Variants in MIPOL1 observed in about 807,000 individuals in gnomAD.
The protein encoded by MIPOL1 is mirror-image polydactyly 1.
A neutral mutation model predicts 60.9 loss-of-function variants in MIPOL1; 57 were observed. The ratio of observed to expected loss-of-function variants is 0.94; its 90% CI spans 0.76 to 1.17. The LOEUF (loss-of-function observed/expected upper bound fraction) is 1.17, where lower values mean the gene tolerates loss of function less well. MIPOL1 is among the 50% of genes most tolerant of loss of function. The probability of loss-of-function intolerance (pLI) is 0.00; values close to 1 mark genes in which losing one functional copy is unlikely to be tolerated. For synonymous variants in MIPOL1, 179 were observed against 168.8 expected (o/e 1.06, Z -0.47); for missense variants, 551 against 511.6 (o/e 1.08, Z -0.74).
At chr14:37,500,453 A>G (rs967169556) in intron 12 of MIPOL1, among the ~76,000 whole-genome samples, 8 of 152,246 alleles carry the variant, frequency 5.3e-5, no homozygotes, top group South Asian at 2.1e-4. Context: ...AGCAAGGGGA[A>G]GAGGCAGTCA....
intron 11 of MIPOL1, among the ~76,000 whole-genome samples, chr14:37,437,212 G>A (rs1031121985): frequency 2.0e-5 from 3 of 152,124 alleles, no homozygotes; most frequent in South Asian, 2.1e-4. Context: ...AAAACTTCCT[G>A]GTTCTGATTG....
chr14:37,317,562 C>G (rs775793003), intron 9 of MIPOL1, among the ~76,000 whole-genome samples: 11 of 151,940 alleles, frequency 7.2e-5, no homozygotes, highest in Non-Finnish European at 1.3e-4. Flanking sequence ...TGGACTCTCC[C>G]TTATGTAAAG....
At chr14:37,512,164 A>AACACAC (rs35664979) in intron 12 of MIPOL1, among the ~76,000 whole-genome samples, 8 of 149,854 alleles carry the variant, frequency 5.3e-5, no homozygotes, top group African/African-American at 1.2e-4. Context: ...CTATTGACCA[A>AACACAC]ACACACACAC....
At chr14:37,534,851 T>G (rs530920419) in intron 12 of MIPOL1, among the ~76,000 whole-genome samples, 1 of 152,282 alleles carries the variant, frequency 6.6e-6, no homozygotes, top group East Asian at 1.9e-4. Flanking sequence ...GGGGACAATC[T>G]AGATATCTAA....
chr14:37,224,692 C>G (rs1969403397), intron 1 of MIPOL1, among the ~76,000 whole-genome samples: 1 of 152,030 alleles, frequency 6.6e-6, no homozygotes, highest in Non-Finnish European at 1.5e-5. Flanking sequence ...GGGACACATC[C>G]AAACCATATC....
At chr14:37,341,381 A>G (rs1313031510) in intron 9 of MIPOL1, among the ~76,000 whole-genome samples, 5 of 152,204 alleles carry the variant, frequency 3.3e-5, no homozygotes, top group Non-Finnish European at 5.9e-5. Context: ...TTTAGCAAGT[A>G]TGCTAGCCTT....
chr14:37,388,675 T>C (rs920874971), intron 10 of MIPOL1, among the ~76,000 whole-genome samples: 1 of 151,942 alleles, frequency 6.6e-6, no homozygotes, highest in Non-Finnish European at 1.5e-5. Flanking sequence ...AAACAACCAC[T>C]CATCTGCTTT....
intron 9 of MIPOL1, among the ~76,000 whole-genome samples, chr14:37,319,835 C>T (rs568017847): frequency 1.3e-5 from 2 of 152,072 alleles, no homozygotes; most frequent in East Asian, 1.9e-4. Context: ...GATAATCACT[C>T]CTCTTATTTC....
At chr14:37,295,369 A>G (rs1020605057) in intron 7 of MIPOL1, among the ~76,000 whole-genome samples, 7 of 152,328 alleles carry the variant, frequency 4.6e-5, no homozygotes, top group Non-Finnish European at 7.3e-5. Flanking sequence ...TGTAAAGACC[A>G]TCAAGGCTAG....
chr14:37,229,605 CA>C (rs1268014097), intron 1 of MIPOL1, among the ~76,000 whole-genome samples: 1 of 152,074 alleles, frequency 6.6e-6, no homozygotes. Context: ...ACTTAAATTC[CA>C]TATTGAGTTT....
intron 12 of MIPOL1, among the ~76,000 whole-genome samples, chr14:37,534,587 CT>C (rs1172366721): frequency 6.6e-6 from 1 of 152,084 alleles, no homozygotes; most frequent in East Asian, 1.9e-4. Context: ...TGTCCCTACC[CT>C]TATGGAGCCT....
intron 12 of MIPOL1, among the ~76,000 whole-genome samples, chr14:37,513,620 GA>G (rs1386470857): frequency 6.6e-6 from 1 of 152,006 alleles, no homozygotes; most frequent in African/African-American, 2.4e-5. Flanking sequence ...GGCTAAAGAA[GA>G]AAAAGGGCTC....
At chr14:37,233,162 C>T (rs566217001) in intron 1 of MIPOL1, among the ~76,000 whole-genome samples, 1 of 152,124 alleles carries the variant, frequency 6.6e-6, no homozygotes, top group Non-Finnish European at 1.5e-5. Flanking sequence ...GGGCTTGATT[C>T]AGTAATTCAA....
downstream of MIPOL1, chr14:37,551,316 A>T (rs929128967): frequency 1.3e-5 from 2 of 152,138 alleles, no homozygotes; most frequent in Non-Finnish European, 2.9e-5. Flanking sequence ...TAAATGTACA[A>T]TCCTGAAGAC....
At chr14:37,522,805 A>G (rs1288488589) in intron 12 of MIPOL1, among the ~76,000 whole-genome samples, 1 of 152,136 alleles carries the variant, frequency 6.6e-6, no homozygotes. Context: ...TCCAGTGAAT[A>G]GTAAAATAAT....
At chr14:37,432,047 A>T (rs962549589) in intron 11 of MIPOL1, among the ~76,000 whole-genome samples, 1 of 152,186 alleles carries the variant, frequency 6.6e-6, no homozygotes, top group Non-Finnish European at 1.5e-5. Flanking sequence ...TCAATATTCC[A>T]TGGACACACC....
chr14:37,246,316 T>C (rs542856646), intron 1 of MIPOL1, among the ~76,000 whole-genome samples: 105 of 152,210 alleles, frequency 6.9e-4, no homozygotes, highest in African/African-American at 2.5e-3. Context: ...ATCACCTATA[T>C]GAAATAGATG....
At chr14:37,390,542 A>C (rs2093209176) in intron 10 of MIPOL1, among the ~76,000 whole-genome samples, 2 of 152,114 alleles carry the variant, frequency 1.3e-5, no homozygotes, top group Non-Finnish European at 2.9e-5. Context: ...ATATTCAAAA[A>C]AGTAGGAGAA....
At position 37,398,272 on chromosome 14, in the gene MIPOL1, C is replaced by T. The variant is rs144765238; in HGVS notation, c.937-24583C>T. Among the ~76,000 whole-genome samples the T allele has an allele frequency of 6.2e-3, 946 of 152,242 alleles. 7 individuals carry two copies. Among genetic ancestry groups the T allele is most frequent in the African/African-American group, 0.02 (820 of 41,548 alleles). On this transcript the variant is annotated intron_variant, in intron 10 of 12. Transcript: ENST00000684589. The stretch of plus-strand genomic sequence containing the variant: ...CACGGTGGTGGTTGGTATTTGCGAG[C>T]GGATTATCTCCTTTTCCCACTTCCG...
Sources: gnomAD v4.1 joint callset for allele counts (sites outside exome capture counted in the v4.1 genomes callset) on GRCh38, gnomAD v4.1.1 for gene constraint, MANE v1.5 for transcripts, NCBI Gene and HGNC (gene_info 2026-07-23, HGNC 2026-07-21) for gene names.